The following AP3B1 variants were observed in gnomAD, a reference collection of about 807,000 sequenced individuals.
AP3B1 encodes the protein adaptor related protein complex 3 subunit beta 1.
In AP3B1, 61 loss-of-function variants were observed where a neutral mutation model predicts 132.5. The ratio of observed to expected loss-of-function variants is 0.46; its 90% confidence interval spans 0.37 to 0.57. The LOEUF is 0.57. Among genes scored for constraint, AP3B1 ranks in the 20% least tolerant of loss-of-function variants. The pLI is 0.00. For synonymous variants in AP3B1, 388 were observed against 438.3 expected (o/e 0.89, Z 1.43); for missense variants, 1,120 against 1,289.4 (o/e 0.87, Z 2.01).
intron 18 of AP3B1, among the ~76,000 whole-genome samples, chr5:78,115,381 G>C (rs566931488): frequency 2.1e-4 from 32 of 152,272 alleles, no homozygotes; most frequent in African/African-American, 6.3e-4. Flanking sequence ...GGTGTCGTTT[G>C]GTCTTGGGTC....
At chr5:78,215,503 AAATT>A (rs1350734365) in intron 7 of AP3B1, among the ~76,000 whole-genome samples, 2 of 152,206 alleles carry the variant, frequency 1.3e-5, no homozygotes, top group Non-Finnish European at 2.9e-5. Context: ...AGCTTCACTT[AAATT>A]ATTAATTTTA....
At chr5:78,135,123 G>C (rs1051029219) in intron 15 of AP3B1, among the ~76,000 whole-genome samples, 1 of 152,172 alleles carries the variant, frequency 6.6e-6, no homozygotes, top group Non-Finnish European at 1.5e-5. Flanking sequence ...GGGCAAGAGA[G>C]AATCTGCTTT....
intron 3 of AP3B1, among the ~76,000 whole-genome samples, chr5:78,235,482 A>G (rs1344763593): frequency 6.6e-6 from 1 of 152,244 alleles, no homozygotes; most frequent in African/African-American, 2.4e-5. Context: ...GCATAACAAT[A>G]TTAAATCACA....
chr5:78,079,908 G>A (rs1192525922), intron 22 of AP3B1, among the ~76,000 whole-genome samples: 1 of 152,056 alleles, frequency 6.6e-6, no homozygotes, highest in African/African-American at 2.4e-5. Context: ...TTGCAAGTAT[G>A]GTTTTAAACA....
intron 24 of AP3B1, among the ~76,000 whole-genome samples, chr5:78,030,010 G>A (rs1038895517): frequency 1.3e-5 from 2 of 151,664 alleles, no homozygotes; most frequent in Admixed American, 1.3e-4. Flanking sequence ...GGGGATTTTG[G>A]TTCCAATTTA....
chr5:78,101,476 G>C, intron 20 of AP3B1: 2 of 290,386 alleles, frequency 6.9e-6, no homozygotes, highest in Admixed American at 4.9e-5. Flanking sequence ...GTTTGTGACA[G>C]GCATTGTACT....
At chr5:78,153,879 C>G (rs1165078108) in intron 14 of AP3B1, among the ~76,000 whole-genome samples, 1 of 152,102 alleles carries the variant, frequency 6.6e-6, no homozygotes, top group East Asian at 1.9e-4. Flanking sequence ...TTTGTTGTTT[C>G]TACTTATATC....
intron 3 of AP3B1, 114 bp downstream of exon 3, chr5:78,240,748 T>A (rs1580532013): frequency 1.4e-6 from 1 of 740,588 alleles, no homozygotes; most frequent in African/African-American, 1.8e-5. Context: ...GACATTTTAA[T>A]CATAACAAAA....
chr5:78,216,863 A>T (rs2112478019), intron 6 of AP3B1, among the ~76,000 whole-genome samples: 1 of 152,244 alleles, frequency 6.6e-6, no homozygotes, highest in African/African-American at 2.4e-5. Flanking sequence ...TATAAGTTGG[A>T]ATAATATATT....
intron 25 of AP3B1, among the ~76,000 whole-genome samples, chr5:78,019,294 G>A (rs1157507436): frequency 2.0e-5 from 3 of 152,052 alleles, no homozygotes; most frequent in Non-Finnish European, 4.4e-5. Context: ...AGTCACAGCA[G>A]AGCACAAAAA....
Position 78,163,575 on chromosome 5 carries a change from GTA to G in AP3B1, c.1231-626_1231-625del, listed in dbSNP as rs564773531. Among the ~76,000 whole-genome samples, 30 of 147,556 alleles carry G rather than the reference GTA, an allele frequency of 2.0e-4. No homozygotes were observed. In the South Asian group the frequency reaches 6.2e-3, roughly 30 times the overall value. On this transcript the variant is annotated intron_variant, in intron 12 of 26. Transcript: ENST00000255194. ...ATGCTTTAAAAATATACTGTAAAGG[GTA>G]TATGTGTGTGTGTGTATATATATAT...
chr5:78,015,221 C>G (rs1234501831), intron 26 of AP3B1, among the ~76,000 whole-genome samples, 189 bp downstream of exon 26: 1 of 151,986 alleles, frequency 6.6e-6, no homozygotes, highest in Non-Finnish European at 1.5e-5. Context: ...GATAAGGATG[C>G]TCTGAGATGG....
chr5:78,070,481 A>G (rs1312395518), intron 22 of AP3B1, among the ~76,000 whole-genome samples: 1 of 152,044 alleles, frequency 6.6e-6, no homozygotes, highest in East Asian at 1.9e-4. Flanking sequence ...AGGCAATATC[A>G]TTTAGGACAT....
chr5:78,122,913 A>T (rs1752287747), intron 17 of AP3B1, among the ~76,000 whole-genome samples: 1 of 152,256 alleles, frequency 6.6e-6, no homozygotes, highest in South Asian at 2.1e-4. Flanking sequence ...AAAAGAACAA[A>T]GCTGGAGGCA....
At chr5:78,286,460 C>T (rs187618214) in intron 1 of AP3B1, among the ~76,000 whole-genome samples, 3 of 152,288 alleles carry the variant, frequency 2.0e-5, no homozygotes, top group Admixed American at 6.5e-5. Flanking sequence ...AGTAAGGACA[C>T]AGCATTACTC....
intron 14 of AP3B1, among the ~76,000 whole-genome samples, chr5:78,151,778 T>C (rs1021722586): frequency 1.3e-5 from 2 of 152,090 alleles, no homozygotes; most frequent in African/African-American, 2.4e-5. Context: ...GATTTTTACA[T>C]TGATATTCAA....
chr5:78,129,438 A>G (rs1561427806), intron 15 of AP3B1, 131 bp from the exon 16 acceptor site: 11 of 815,992 alleles, frequency 1.3e-5, no homozygotes, highest in Non-Finnish European at 2.2e-5. Flanking sequence ...TAGGGAATAC[A>G]CATTTCTAAT....
chr5:78,011,947 T>C (rs1211405532), intron 26 of AP3B1, among the ~76,000 whole-genome samples: 1 of 152,120 alleles, frequency 6.6e-6, no homozygotes. Flanking sequence ...CAAGAGTAAC[T>C]TATCATATTG....
Position 78,189,278 on chromosome 5 carries a change from T to C in AP3B1, c.787-7616A>G, listed in dbSNP as rs1442904357. Among the ~76,000 whole-genome samples, 3 of 152,116 alleles carry C rather than the reference T, an allele frequency of 2.0e-5. No homozygotes were observed. In the East Asian group the frequency reaches 5.8e-4, roughly 29 times the overall value. On this transcript the variant is annotated intron_variant, in intron 7 of 26. Coordinates refer to ENST00000255194, the MANE Select transcript of AP3B1 (RefSeq NM_003664.5). Reference sequence around the variant, plus strand: ...AAAAATTTTTAAACTTATGTAAATGTTTCTATAGTGTCCTCTATGAACATA... The same window carrying C: ...AAAAATTTTTAAACTTATGTAAATGCTTCTATAGTGTCCTCTATGAACATA...
Sources: gnomAD v4.1 joint callset for allele counts (sites outside exome capture counted in the v4.1 genomes callset) on GRCh38, gnomAD v4.1.1 for gene constraint, MANE v1.5 for transcripts, NCBI Gene and HGNC (gene_info 2026-07-23, HGNC 2026-07-21) for gene names.